RFC4: variants seen among roughly 807,000 people sequenced by gnomAD.
RFC4 encodes replication factor C subunit 4, also known as A1 37 kDa subunit.
Under a neutral mutation model 47.6 loss-of-function variants are expected in RFC4, and 38 were observed. The ratio of observed to expected loss-of-function variants is 0.80; its 90% confidence interval spans 0.62 to 1.05. RFC4 has a LOEUF of 1.05. Among genes scored for constraint, RFC4 ranks in the 50% least tolerant of loss-of-function variants. The pLI is 0.00. For synonymous variants in RFC4, 164 were observed against 150.0 expected, an observed-to-expected ratio of 1.09 and a Z score of -0.68; for missense variants, 489 against 434.0, an observed-to-expected ratio of 1.13 and a Z score of -1.13.
chr3:186,797,329 C>T (rs1164334970), intron 4 of RFC4, among the ~76,000 whole-genome samples: 1 of 152,102 alleles, frequency 6.6e-6, no homozygotes, highest in African/African-American at 2.4e-5. Context: ...ACAAGATTCA[C>T]AATGAAGGTC....
At chr3:186,802,229 G>GCCTGT (rs1462347384) in intron 2 of RFC4, among the ~76,000 whole-genome samples, 1 of 151,858 alleles carries the variant, frequency 6.6e-6, no homozygotes, top group African/African-American at 2.4e-5. Flanking sequence ...GGTGGCACAT[G>GCCTGT]CCTGTAGTCC....
rs1160682653 is a variant in RFC4, at chr3:186,789,927, A to C, written c.*42T>G. The stretch of plus-strand genomic sequence containing the variant: ...CTTTTGGTCATTTTATTTTTATTAC[A>C]ACTTCATTATTTACAAAACCCCCCA... On this transcript the variant is annotated 3_prime_UTR_variant, in exon 11 of 11. Transcript: ENST00000296273. 1 of 1,238,796 alleles carries C rather than the reference A, an allele frequency of 8.1e-7. No individual in the cohort carries two copies. The highest frequency in any genetic ancestry group is 1.2e-6 in the Non-Finnish European group (1 of 856,008). The allele number at this position is 1,238,796 out of a possible 1,614,324, so 76.7% of individuals were successfully genotyped here.
At chr3:186,794,873 T>A in intron 4 of RFC4, 96 bp from the exon 5 acceptor site, 2 of 1,340,540 alleles carry the variant, frequency 1.5e-6, no homozygotes, top group Non-Finnish European at 2.1e-6. Flanking sequence ...AAAATCCACC[T>A]AGTAAACAAC....
In RFC4 at chr3:186,792,619, G is replaced by A. The variant is rs1722165600; in HGVS notation, c.555-9C>T. 1 of 1,605,546 alleles carries A rather than the reference G, an allele frequency of 6.2e-7. No homozygotes were observed. The highest frequency in any genetic ancestry group is 8.5e-7 in the Non-Finnish European group (1 of 1,175,334). ...TCAGGGGTTCAATTATTCTGTGGAA[G>A]ATGAGAAAAACCAAGTTGGTGTCTA... is the stretch of plus-strand genomic sequence containing the variant. On this transcript the variant is annotated splice_polypyrimidine_tract_variant and intron_variant, in intron 6 of 10. Transcript: ENST00000296273.
At chr3:186,791,480 AAAC>A (rs1489584825) in intron 8 of RFC4, 471 of 460,762 alleles carry the variant, frequency 1.0e-3, no homozygotes, top group East Asian at 5.7e-3. Context: ...AAAAAAAAAA[AAAC>A]AAAAAAACTA....
intron 4 of RFC4, among the ~76,000 whole-genome samples, chr3:186,795,543 C>A (rs2108469858): frequency 6.6e-6 from 1 of 152,126 alleles, no homozygotes; most frequent in African/African-American, 2.4e-5. Context: ...GCCTGTAATC[C>A]CAGCACTTTG....
Position 186,790,275 on chromosome 3 carries a change from T to C in RFC4, c.883-20A>G, listed in dbSNP as rs552531890. ...TAAATCCTATAATAAAAAAAACTTT[T>C]GGTATGATGACTTAATATTCCTTTC... On this transcript the variant is annotated intron_variant, in intron 9 of 10. Coordinates refer to ENST00000296273, the MANE Select transcript of RFC4 (RefSeq NM_002916.5). 3.8e-5 allele frequency: 62 copies of C among 1,611,260 alleles called. 1 individual carries two copies. The highest frequency in any genetic ancestry group is 6.6e-5 in the South Asian group (6 of 90,976).
intron 2 of RFC4, among the ~76,000 whole-genome samples, chr3:186,803,904 G>C (rs1560094763): frequency 1.3e-5 from 2 of 152,068 alleles, no homozygotes; most frequent in African/African-American, 4.8e-5. Context: ...TTCCAGGGCT[G>C]GGCGCGGTGG....
intron 2 of RFC4, 26 bp from the exon 3 acceptor site, chr3:186,801,221 G>A: frequency 6.4e-7 from 1 of 1,566,752 alleles, no homozygotes; most frequent in Non-Finnish European, 8.8e-7. Context: ...GGAGGAAAGA[G>A]GTTATTTAGT....
In RFC4 at chr3:186,796,731, C is replaced by T. The variant is rs374389573; in HGVS notation, c.290+804G>A. Among the ~76,000 whole-genome samples, 29 of 152,310 alleles carry T rather than the reference C, an allele frequency of 1.9e-4. No homozygotes were observed. Among genetic ancestry groups the T allele is most frequent in the East Asian group, 1.7e-3 (9 of 5,188 alleles). ...CTCACCCCAGGTGATCCACCTGCCT[C>T]GGCCTCCCAAAGTGCTGGGATTACA... On this transcript the variant is annotated intron_variant, in intron 4 of 10. Coordinates refer to ENST00000296273, the MANE Select transcript of RFC4 (RefSeq NM_002916.5). The surrounding 1 kb of genome is among the most constrained non-coding windows in gnomAD (Gnocchi z 4.2).
At chr3:186,791,022 T>G (rs1284098189) in intron 8 of RFC4, among the ~76,000 whole-genome samples, 1 of 152,176 alleles carries the variant, frequency 6.6e-6, no homozygotes, top group African/African-American at 2.4e-5. Flanking sequence ...TGAAGTGAGT[T>G]TTTACATGGG....
rs3917124 is a variant in RFC4 at position 186,795,322 on chromosome 3, T to G, written c.291-545A>C. Among the ~76,000 whole-genome samples, 1,096 of 152,330 alleles carry G rather than the reference T, an allele frequency of 7.2e-3. 7 individuals are homozygous for G. The highest frequency in any genetic ancestry group is 0.012 in the Admixed American group (176 of 15,300). On this transcript the variant is annotated intron_variant, in intron 4 of 10. Transcript: ENST00000296273. ...ATAAAATTTTAAATCGATTTTCCAC[T>G]TTGCATTTATAATAAGTATCTTGGC...
intron 2 of RFC4, among the ~76,000 whole-genome samples, chr3:186,801,637 G>A (rs1443154320): frequency 6.6e-6 from 1 of 150,392 alleles, no homozygotes; most frequent in Non-Finnish European, 1.5e-5. Flanking sequence ...CACGAACCTG[G>A]GAGGCAGAGC....
chr3:186,799,926 AT>A (rs1304976438), intron 3 of RFC4, among the ~76,000 whole-genome samples: 1 of 152,110 alleles, frequency 6.6e-6, no homozygotes, highest in Non-Finnish European at 1.5e-5. Flanking sequence ...GTATAAGAGT[AT>A]TTGTGTTATT....
At chr3:186,806,129 T>C (rs972383241) in intron 1 of RFC4, among the ~76,000 whole-genome samples, 161 bp downstream of exon 1, 2 of 152,208 alleles carry the variant, frequency 1.3e-5, no homozygotes, top group Non-Finnish European at 2.9e-5. Context: ...AGCCGGGGCC[T>C]GCAAGATGCT....
At chr3:186,792,365 CTTAAGT>C (rs968987982) in intron 7 of RFC4, 119 bp downstream of exon 7, 132 of 767,890 alleles carry the variant, frequency 1.7e-4, no homozygotes, top group Admixed American at 4.0e-4. Flanking sequence ...GCCCCTTTAG[CTTAAGT>C]TTGTCTGAAG....
intron 2 of RFC4, among the ~76,000 whole-genome samples, chr3:186,801,975 A>G (rs1722366840): frequency 6.8e-6 from 1 of 147,146 alleles, no homozygotes; most frequent in Non-Finnish European, 1.5e-5. Context: ...GTGAGCCGAG[A>G]TCGTATCATT....
At chr3:186,791,658 A>G (rs529049205) in intron 8 of RFC4, 67 bp downstream of exon 8, 12 of 1,428,762 alleles carry the variant, frequency 8.4e-6, no homozygotes, top group Middle Eastern at 3.5e-4. Context: ...TATTTGTTGG[A>G]TGAAAATTTC....
intron 1 of RFC4, among the ~76,000 whole-genome samples, chr3:186,805,067 C>A (rs1722447809): frequency 6.6e-6 from 1 of 152,154 alleles, no homozygotes; most frequent in Non-Finnish European, 1.5e-5. Flanking sequence ...TGCTAATGAC[C>A]AAACCACATG....
Sources: gnomAD v4.1 joint callset for allele counts (sites outside exome capture counted in the v4.1 genomes callset) on GRCh38, gnomAD v4.1.1 for gene constraint, Gnocchi (gnomAD v3.1) non-coding constraint, MANE v1.5 for transcripts, NCBI Gene and HGNC (gene_info 2026-07-23, HGNC 2026-07-21) for gene names.